Variants in THUMPD2 observed in about 807,000 individuals in gnomAD.
THUMPD2 encodes the protein THUMP domain 2 tRNA and snRNA guanosine methyltransferase.
A neutral mutation model predicts 49.4 loss-of-function variants in THUMPD2; 56 were observed. The observed-to-expected ratio is 1.13, with a 90% CI of 0.91 to 1.41. THUMPD2 has a LOEUF of 1.41. THUMPD2 is among the 40% of genes most tolerant of loss of function. The pLI is 0.00. For missense variants in THUMPD2, 709 were observed against 594.5 expected (o/e 1.19, Z -2.00); for synonymous variants, 237 against 205.2 (o/e 1.15, Z -1.32).
At chr2:39,755,433 G>T in intron 7 of THUMPD2, 24 bp from the exon 8 acceptor site, 1 of 1,428,978 alleles carries the variant, frequency 7.0e-7, no homozygotes, top group Non-Finnish European at 9.5e-7. Context: ...AATATTTTAA[G>T]CATAAATAAA....
At chr2:39,757,611 G>C (rs1353379426) in intron 6 of THUMPD2, among the ~76,000 whole-genome samples, 4 of 152,160 alleles carry the variant, frequency 2.6e-5, no homozygotes, top group Non-Finnish European at 4.4e-5. Context: ...AATCTGACCT[G>C]AAGTATCTTT....
chr2:39,765,986 T>G, intron 5 of THUMPD2, 71 bp downstream of exon 5: 1 of 1,241,800 alleles, frequency 8.1e-7, no homozygotes, highest in African/African-American at 1.6e-5. Context: ...ATTCATGCTG[T>G]AAATAAAAAA....
chr2:39,737,034 C>A lies in THUMPD2; in HGVS notation c.1213G>T (p.Val405Leu). 1 of 1,610,458 alleles carries A rather than the reference C, an allele frequency of 6.2e-7. No individual in the cohort carries two copies. The highest frequency in any genetic ancestry group is 8.5e-7 in the Non-Finnish European group (1 of 1,177,468). Reference protein sequence around the residue: ...ERVLHVGGTIVLLLSEDHHRR... With the variant: ...ERVLHVGGTILLLLSEDHHRR... Reference sequence around the variant, plus strand: ...TGGTGATCTTCACTAAGCAACAATACAATGGTTCCGCCAACATGAAGCACT... The same window carrying A: ...TGGTGATCTTCACTAAGCAACAATAAAATGGTTCCGCCAACATGAAGCACT... Residue 405 changes from valine to leucine, a missense_variant, in exon 10 of 10, where the codon GTA becomes TTA. Transcript: ENST00000505747.
At chr2:39,742,188 AC>A (rs1434598445) in intron 9 of THUMPD2, among the ~76,000 whole-genome samples, 1 of 152,126 alleles carries the variant, frequency 6.6e-6, no homozygotes, top group Non-Finnish European at 1.5e-5. Context: ...AAAACTTCAA[AC>A]CATAAAAAAA....
chr2:39,751,888 T>C (rs1015828631), intron 8 of THUMPD2, among the ~76,000 whole-genome samples: 2 of 152,054 alleles, frequency 1.3e-5, no homozygotes, highest in African/African-American at 4.8e-5. Context: ...GGTTTCACCA[T>C]GTTGGCCAGG....
chr2:39,766,239 A>G (rs1677500217), intron 4 of THUMPD2, 130 bp from the exon 5 acceptor site: 1 of 539,688 alleles, frequency 1.9e-6, no homozygotes, highest in Non-Finnish European at 3.1e-6. Flanking sequence ...CTTATTCATC[A>G]TATCTAGAAA....
intron 6 of THUMPD2, among the ~76,000 whole-genome samples, chr2:39,760,885 T>G (rs375726767): frequency 6.6e-6 from 1 of 152,168 alleles, no homozygotes; most frequent in East Asian, 1.9e-4. Flanking sequence ...CAATATGAGA[T>G]TTCAAAAACT....
intron 8 of THUMPD2, among the ~76,000 whole-genome samples, chr2:39,754,490 C>A (rs1237461595): frequency 6.6e-6 from 1 of 152,116 alleles, no homozygotes; most frequent in Admixed American, 6.5e-5. Context: ...GTATTTTATT[C>A]CTCCTGATTA....
chr2:39,769,742 T>C lies in THUMPD2; in HGVS notation c.640A>G (p.Ser214Gly). The C allele has an allele frequency of 4.4e-6, 7 of 1,581,870 alleles. No individual in the cohort carries two copies. Among genetic ancestry groups the C allele is most frequent in the Non-Finnish European group, 6.0e-6 (7 of 1,169,476 alleles). Residue 214 changes from serine (S) to glycine (G), a missense_variant, in exon 3 of 10, where the codon AGT becomes GGT. By Grantham distance (56) the Ser-to-Gly change is moderately conservative (BLOSUM62 0). Coordinates refer to ENST00000505747, the MANE Select transcript of THUMPD2 (RefSeq NM_025264.5). ...GTGAAGGCCTTTCCAATAGTTCCAC[T>C]GCAGCGACAAGATACTCTGAAAGTC... Reference protein sequence around the residue: ...DLTFRVSCRCSGTIGKAFTAQ... With the variant: ...DLTFRVSCRCGGTIGKAFTAQ...
intron 3 of THUMPD2, chr2:39,768,976 G>A: frequency 2.3e-6 from 3 of 1,304,488 alleles, no homozygotes; most frequent in Non-Finnish European, 3.0e-6. Context: ...AACTTTGTAA[G>A]GGCCAACTGA....
chr2:39,750,487 G>C (rs991789682), intron 8 of THUMPD2, among the ~76,000 whole-genome samples: 2 of 152,112 alleles, frequency 1.3e-5, no homozygotes, highest in African/African-American at 4.8e-5. Context: ...CGGGTGGATT[G>C]CCTGAGCTCA....
At chr2:39,778,917 C>T (rs1446162361) in intron 1 of THUMPD2, among the ~76,000 whole-genome samples, 197 bp downstream of exon 1, 1 of 152,210 alleles carries the variant, frequency 6.6e-6, no homozygotes, top group Non-Finnish European at 1.5e-5. Flanking sequence ...ACTGGATTTG[C>T]TATACAAGGA....
Position 39,755,366 on chromosome 2 carries a change from A to C in THUMPD2, c.1007T>G (p.Leu336Arg). The C allele has an allele frequency of 6.4e-7, 1 of 1,558,970 alleles. No homozygotes were observed. Among genetic ancestry groups the C allele is most frequent in the East Asian group, 2.4e-5 (1 of 40,838 alleles). ...AGCTTTCAGATTGTCCCAAGTACCTAGTAACTGTGAGTCGCTGACATCAGC... is the reference window on the plus strand; with the variant it reads ...AGCTTTCAGATTGTCCCAAGTACCTCGTAACTGTGAGTCGCTGACATCAGC... Reference protein sequence around the residue: ...VGADVSDSQLLGTWDNLKAAG... With the variant: ...VGADVSDSQLRGTWDNLKAAG... Residue 336 changes from leucine to arginine, a missense_variant, in exon 8 of 10, where the codon CTA becomes CGA. By Grantham distance (102) the Leu-to-Arg change is moderately radical. Transcript: ENST00000505747.
rs573440862 is a variant in THUMPD2, at chr2:39,742,002, G to C, written c.1187+2368C>G. On this transcript the variant is annotated intron_variant, in intron 9 of 9. Transcript: ENST00000505747. ...CTAGGTGGCCAGCACTGTTGTAAGA[G>C]CTTTAAATCCACTGACTCAGAACAA... Among the ~76,000 whole-genome samples, 11 of 152,270 alleles carry C rather than the reference G, an allele frequency of 7.2e-5. No individual in the cohort carries two copies. The East Asian group carries it at 1.2e-3, about 16-fold the overall frequency.
intron 1 of THUMPD2, among the ~76,000 whole-genome samples, chr2:39,777,421 C>G (rs1679264691): frequency 6.6e-6 from 1 of 152,200 alleles, no homozygotes; most frequent in Non-Finnish European, 1.5e-5. Context: ...TGGTAAAGCA[C>G]ATGGGCTTTA....
intron 8 of THUMPD2, among the ~76,000 whole-genome samples, chr2:39,746,840 T>G (rs1674655602): frequency 6.6e-6 from 1 of 152,112 alleles, no homozygotes; most frequent in Non-Finnish European, 1.5e-5. Flanking sequence ...ATTGAGCACT[T>G]TTATAAAACT....
intron 1 of THUMPD2, among the ~76,000 whole-genome samples, chr2:39,772,697 G>A (rs988501340): frequency 6.6e-6 from 1 of 152,202 alleles, no homozygotes; most frequent in African/African-American, 2.4e-5. Context: ...CAGGATGGAT[G>A]TGGGCTTTCT....
intron 8 of THUMPD2, chr2:39,744,710 A>G (rs57481251): frequency 0.015 from 4,494 of 294,958 alleles, 211 homozygotes; most frequent in African/African-American, 0.092. Flanking sequence ...ATACAATAAA[A>G]TGTAAGTTAA....
rs763908726 is a variant in THUMPD2 at position 39,744,328 on chromosome 2, C to T, written c.1187+42G>A. 4.0e-6 allele frequency: 5 copies of T among 1,258,482 alleles called. No homozygotes were observed. In the Admixed American group the frequency reaches 1.2e-4, roughly 30 times the overall value. The allele number at this position is 1,258,482 out of a possible 1,614,324, so 78.0% of individuals were successfully genotyped here. A position where few individuals can be genotyped will look rare whatever the true frequency, so the allele number is the denominator to read the frequency against. On this transcript the variant is annotated intron_variant, in intron 9 of 9. Transcript: ENST00000505747. Reference sequence around the variant, plus strand: ...GCTATGATGTATTTCGGTTAAATGCCCAGTAGCTAAAAAAATTATGAAAAT... The same window carrying T: ...GCTATGATGTATTTCGGTTAAATGCTCAGTAGCTAAAAAAATTATGAAAAT...
Sources: allele counts gnomAD v4.1 joint callset (sites outside exome capture counted in the v4.1 genomes callset), GRCh38; gene constraint gnomAD v4.1.1; transcripts MANE v1.5; gene names NCBI Gene and HGNC (gene_info 2026-07-23, HGNC 2026-07-21).